The following DCHS1 variants were observed in gnomAD, a reference collection of about 807,000 sequenced individuals.
DCHS1 encodes protocadherin-16.
A neutral mutation model predicts 213.9 loss-of-function variants in DCHS1; 78 were observed. The observed-to-expected ratio is 0.36, with a 90% CI of 0.30 to 0.44. DCHS1 has a LOEUF of 0.44. DCHS1 is among the 20% of genes least tolerant of loss of function. The probability of loss-of-function intolerance (pLI) is 1.00; values close to 1 mark genes in which losing one functional copy is unlikely to be tolerated. For synonymous variants in DCHS1, 1,828 were observed against 1,873.7 expected (o/e 0.98, Z 0.63); for missense variants, 3,946 against 4,395.9 (o/e 0.90, Z 2.89).
chr11:6,632,200 G>A lies in DCHS1; in HGVS notation c.3312C>T (p.Arg1104=), dbSNP rs753787031. 2.5e-6 allele frequency: 4 copies of A among 1,609,280 alleles called. No homozygotes were observed. The East Asian group carries it at 8.9e-5, about 36-fold the overall frequency. ...SILNQNEHSP[R]LSEDPTFLAV... Reference sequence around the variant, plus strand: ...CCAGGAAGGTGGGATCCTCAGACAAGCGGGGACTGTGTTCATTCTGGTTGA... The same window carrying A: ...CCAGGAAGGTGGGATCCTCAGACAAACGGGGACTGTGTTCATTCTGGTTGA... Residue 1104 remains arginine, a synonymous_variant, in exon 6 of 21, where the codon CGC becomes CGT. Transcript: ENST00000299441. The surrounding 1 kb of genome is among the most constrained non-coding windows in gnomAD (Gnocchi z 5.9).
chr11:6,636,517 A>AT (rs1311401594), intron 2 of DCHS1, among the ~76,000 whole-genome samples: 1 of 150,472 alleles, frequency 6.6e-6, no homozygotes, highest in African/African-American at 2.5e-5. Context: ...GCCTTTATTT[A>AT]TTTTTTAAGA....
intron 20 of DCHS1, 92 bp from the exon 21 acceptor site, chr11:6,624,482 G>C: frequency 2.1e-6 from 3 of 1,409,518 alleles, no homozygotes; most frequent in Non-Finnish European, 2.8e-6. Flanking sequence ...AATGGTTTTG[G>C]AAGTCAGACT....
Position 6,623,143 on chromosome 11 carries a change from C to T in DCHS1, c.8533G>A (p.Asp2845Asn), listed in dbSNP as rs968056439. Residue 2845 changes from aspartate (D) to asparagine (N), a missense_variant, in exon 21 of 21, where the codon GAT becomes AAT. Physicochemically the swap from Asp to Asn is conservative, Grantham distance 23. Transcript: ENST00000299441. Reference sequence around the variant, plus strand: ...GCAAGGGAATACAGAACCAGGCCATCGGCACCCCCATCCTCATCTGTGGCC... The same window carrying T: ...GCAAGGGAATACAGAACCAGGCCATTGGCACCCCCATCCTCATCTGTGGCC... ...VQATDEDGGA[D>N]GLVLYSLATS... 2 of 1,608,578 alleles carry T rather than the reference C, an allele frequency of 1.2e-6. No individual in the cohort carries two copies. The highest frequency in any genetic ancestry group is 1.7e-6 in the Non-Finnish European group (2 of 1,177,554).
Position 6,623,776 on chromosome 11 carries a change from G to A in DCHS1, c.7900C>T (p.His2634Tyr), listed in dbSNP as rs752182015. 4.3e-6 allele frequency: 7 copies of A among 1,613,870 alleles called. No homozygotes were observed. The highest frequency in any genetic ancestry group is 1.7e-6 in the Non-Finnish European group (2 of 1,179,912). ...VEASDADPGP[H>Y]GLVRFTVSSG... Reference sequence around the variant, plus strand: ...CTGACAGTGAAACGCACGAGGCCATGAGGGCCAGGGTCAGCGTCAGAGGCC... The same window carrying A: ...CTGACAGTGAAACGCACGAGGCCATAAGGGCCAGGGTCAGCGTCAGAGGCC... The change falls in exon 21 of 21, where the codon CAT becomes TAT. Residue 2634 changes from histidine (H) to tyrosine (Y), a missense_variant. Around this residue, in one of 3 missense-constraint regions of DCHS1, gnomAD observed 3,384 missense variants for 3,780.1 expected, o/e 0.90. Coordinates refer to ENST00000299441, the MANE Select transcript of DCHS1 (RefSeq NM_003737.4).
rs755681858 is a variant in DCHS1, at chr11:6,627,173, G to T, written c.5866C>A (p.His1956Asn). The T allele has an allele frequency of 1.9e-6, 3 of 1,612,440 alleles. No homozygotes were observed. The highest frequency in any genetic ancestry group is 1.1e-5 in the South Asian group (1 of 91,078). The change falls in exon 14 of 21, where the codon CAT becomes AAT. Residue 1956 changes from histidine (H) to asparagine (N), a missense_variant. By Grantham distance (68) the His-to-Asn change is moderately conservative. This residue lies in a region of DCHS1 where 3,384 missense variants were observed against 3,780.1 expected (regional missense o/e 0.90). Transcript: ENST00000299441. This position sits in a 1 kb window ranked among gnomAD's most constrained non-coding sequence, Gnocchi z 5.4. ...VTITVRDVND[H>N]APTFPTSPLR... ...GGACTGGTGGGGAAGGTGGGTGCATGGTCATTGACATCGCGCACCGTGATG... is the reference window on the plus strand; with the variant it reads ...GGACTGGTGGGGAAGGTGGGTGCATTGTCATTGACATCGCGCACCGTGATG...
Position 6,629,894 on chromosome 11 carries a change from G to C in DCHS1, c.4813C>G (p.Arg1605Gly). Reference protein sequence around the residue: ...HSSTGALSVVRPLDREQRAEH... With the variant: ...HSSTGALSVVGPLDREQRAEH... The stretch of plus-strand genomic sequence containing the variant: ...GCTCGTTGTTCGCGGTCCAACGGCC[G>C]CACCACGGACAGCGCTCCTAGGTGA... Residue 1605 changes from arginine to glycine, a missense_variant, in exon 11 of 21, where the codon CGG becomes GGG. Transcript: ENST00000299441. The C allele has an allele frequency of 6.2e-7, 1 of 1,612,510 alleles. No homozygotes were observed. The highest frequency in any genetic ancestry group is 1.1e-5 in the South Asian group (1 of 91,036).
At chr11:6,651,702 CAG>C (rs1299667722) in intron 1 of DCHS1, among the ~76,000 whole-genome samples, 2 of 152,084 alleles carry the variant, frequency 1.3e-5, no homozygotes, top group East Asian at 1.9e-4. Flanking sequence ...GATGGGATAT[CAG>C]AGATTGCTGG....
At position 6,631,226 on chromosome 11, in the gene DCHS1, G is replaced by A. The variant is rs373613860; in HGVS notation, c.3773-16C>T. The A allele has an allele frequency of 6.8e-6, 11 of 1,612,284 alleles. No homozygotes were observed. Among genetic ancestry groups the A allele is most frequent in the Non-Finnish European group, 9.3e-6 (11 of 1,178,552 alleles). On this transcript the variant is annotated splice_polypyrimidine_tract_variant and intron_variant, in intron 8 of 20. Coordinates refer to ENST00000299441, the MANE Select transcript of DCHS1 (RefSeq NM_003737.4). ...GAGCCAGGACCTGGGGACAGGCAGA[G>A]GAAGATGAGGGCTTGGGGCCCAGAG...
In DCHS1 at chr11:6,640,882, T is replaced by G. The variant is rs1318345312; in HGVS notation, c.732A>C (p.Thr244=). 3 of 1,613,988 alleles carry G rather than the reference T, an allele frequency of 1.9e-6. No homozygotes were observed. The South Asian group carries it at 3.3e-5, about 18-fold the overall frequency. The change falls in exon 2 of 21, where the codon ACA becomes ACC. Residue 244 remains threonine (T), a synonymous_variant. Transcript: ENST00000299441. The surrounding 1 kb of genome is among the most constrained non-coding windows in gnomAD (Gnocchi z 6.5). ...GGGCATGGTCATTGATGTCCAGCAG[T>G]GTCACGTCCAGCAGGGCCTGGGCCC... ...PRRAQALLDV[T]LLDINDHAPA...
chr11:6,631,931 C>G, intron 6 of DCHS1, 100 bp downstream of exon 6: 1 of 1,447,740 alleles, frequency 6.9e-7, no homozygotes, highest in Non-Finnish European at 9.1e-7. Flanking sequence ...TCCTCATTCT[C>G]AGGGGCGAGA....
At chr11:6,642,089 A>G (rs1856085670) in intron 1 of DCHS1, among the ~76,000 whole-genome samples, 1 of 152,010 alleles carries the variant, frequency 6.6e-6, no homozygotes, top group Non-Finnish European at 1.5e-5. Flanking sequence ...AGCCTCTATA[A>G]CCATGTATTT....
chr11:6,636,286 T>C (rs1855985266), intron 2 of DCHS1, among the ~76,000 whole-genome samples: 1 of 152,176 alleles, frequency 6.6e-6, no homozygotes, highest in Admixed American at 6.5e-5. Context: ...CCTAGCTCAC[T>C]GCAACTTCGA....
rs7122587 is a variant in DCHS1 at position 6,622,745 on chromosome 11, C to G, written c.8931G>C (p.Gln2977His). 3 of 1,589,660 alleles carry G rather than the reference C, an allele frequency of 1.9e-6. No homozygotes were observed. The highest frequency in any genetic ancestry group is 8.6e-7 in the Non-Finnish European group (1 of 1,168,274). Residue 2977 changes from glutamine (Q) to histidine (H), a missense_variant, in exon 21 of 21, where the codon CAG becomes CAC. Transcript: ENST00000299441. This position sits in a 1 kb window ranked among gnomAD's most constrained non-coding sequence, Gnocchi z 5.4. The part of the protein sequence containing the change: ...KAEAAPGPMS[Q>H]AAPLASDSLQ... Reference sequence around the variant, plus strand: ...GTGAGTCACTGGCTAGGGGTGCTGCCTGTGACATTGGGCCAGGGGCTGCCT... The same window carrying G: ...GTGAGTCACTGGCTAGGGGTGCTGCGTGTGACATTGGGCCAGGGGCTGCCT...
rs374282596 is a variant in DCHS1, at chr11:6,641,093, C to T, written c.521G>A (p.Arg174His). 1.7e-5 allele frequency: 28 copies of T among 1,613,982 alleles called. No individual in the cohort carries two copies. The highest frequency in any genetic ancestry group is 8.3e-5 in the Admixed American group (5 of 60,030). Reference sequence around the variant, plus strand: ...TAGCGCATAGCCCTGGGTTCCCAGACGCCCAGCATCTGCATCACGAGCAGG... The same window carrying T: ...TAGCGCATAGCCCTGGGTTCCCAGATGCCCAGCATCTGCATCACGAGCAGG... The part of the protein sequence containing the change: ...LEPARDADAG[R>H]LGTQGYALSG... The change falls in exon 2 of 21, where the codon CGT becomes CAT. Residue 174 changes from arginine to histidine, a missense_variant. This residue lies in a region of DCHS1 where 3,384 missense variants were observed against 3,780.1 expected (regional missense o/e 0.90). Coordinates refer to ENST00000299441, the MANE Select transcript of DCHS1 (RefSeq NM_003737.4). This position sits in a 1 kb window ranked among gnomAD's most constrained non-coding sequence, Gnocchi z 7.1.
In DCHS1 at chr11:6,631,326, A is replaced by G; in HGVS notation, c.3757T>C (p.Leu1253=). 1.2e-6 allele frequency: 2 copies of G among 1,613,976 alleles called. No homozygotes were observed. Among genetic ancestry groups the G allele is most frequent in the South Asian group, 1.1e-5 (1 of 91,090 alleles). Reference sequence around the variant, plus strand: ...ACTCCCATACCAGTTAGCGTGTACAAGATGGTCCCATTCTCCCCCTCATCT... The same window carrying G: ...ACTCCCATACCAGTTAGCGTGTACAGGATGGTCCCATTCTCCCCCTCATCT... ...DPDEGENGTI[L]YTLTGPGSEL... The change falls in exon 8 of 21, where the codon TTG becomes CTG. Residue 1253 remains leucine (L), a synonymous_variant. Transcript: ENST00000299441.
chr11:6,625,072 T>C lies in DCHS1; in HGVS notation c.7146+126A>G. On this transcript the variant is annotated intron_variant, in intron 19 of 20. Transcript: ENST00000299441. The surrounding 1 kb of genome is among the most constrained non-coding windows in gnomAD (Gnocchi z 5.3). ...AAAACCAGGATGTAGTTCACAGGAC[T>C]TGGGACCTTCCCATTCCCAGATCAG... 1 of 1,416,756 alleles carries C rather than the reference T, an allele frequency of 7.1e-7. No individual in the cohort carries two copies. The highest frequency in any genetic ancestry group is 2.4e-5 in the Admixed American group (1 of 42,454). 87.8% of individuals were successfully genotyped at this position (1,416,756 alleles called of 1,614,324 possible). A position where few individuals can be genotyped will look rare whatever the true frequency, so the allele number is the denominator to read the frequency against.
At position 6,629,444 on chromosome 11, in the gene DCHS1, A is replaced by G; in HGVS notation, c.5161+8T>C. On this transcript the variant is annotated splice_region_variant and intron_variant, in intron 12 of 20. Coordinates refer to ENST00000299441, the MANE Select transcript of DCHS1 (RefSeq NM_003737.4). ...CACTCAGGCTCTTGGGGTCCTGTCA[A>G]CATGTACCTGTCAGGTTGATCTCCT... The G allele has an allele frequency of 6.2e-7, 1 of 1,612,742 alleles. No individual in the cohort carries two copies. The highest frequency in any genetic ancestry group is 8.5e-7 in the Non-Finnish European group (1 of 1,179,380).
In DCHS1 at chr11:6,630,347, C is replaced by T; in HGVS notation, c.4447G>A (p.Val1483Met). The T allele has an allele frequency of 1.5e-6, 2 of 1,309,662 alleles. No homozygotes were observed. Among genetic ancestry groups the T allele is most frequent in the Non-Finnish European group, 9.7e-7 (1 of 1,031,232 alleles). The allele number at this position is 1,309,662 out of a possible 1,614,324, so 81.1% of individuals were successfully genotyped here. A position where few individuals can be genotyped will look rare whatever the true frequency, so the allele number is the denominator to read the frequency against. Reference sequence around the variant, plus strand: ...CGCGCGTCCAGGCGAAGCGCCGGCACGGGCGGCTCCTGGCGCAGCAGGCGG... The same window carrying T: ...CGCGCGTCCAGGCGAAGCGCCGGCATGGGCGGCTCCTGGCGCAGCAGGCGG... ...RYRLLRQEPP[V>M]PALRLDARTG... The change falls in exon 10 of 21, where the codon GTG becomes ATG. Residue 1483 changes from valine to methionine, a missense_variant. By Grantham distance (21) the Val-to-Met change is conservative. Around this residue, in one of 3 missense-constraint regions of DCHS1, gnomAD observed 3,384 missense variants for 3,780.1 expected, o/e 0.90. Transcript: ENST00000299441.
rs1589954951 is a variant in DCHS1, at chr11:6,628,359, A to G, written c.5371+262T>C. 6.6e-6 allele frequency among the ~76,000 whole-genome samples: 1 copy of G among 152,328 alleles called. No individual in the cohort carries two copies. The highest frequency in any genetic ancestry group is 1.5e-5 in the Non-Finnish European group (1 of 68,020). On this transcript the variant is annotated intron_variant, in intron 13 of 20. Coordinates refer to ENST00000299441, the MANE Select transcript of DCHS1 (RefSeq NM_003737.4). The surrounding 1 kb of genome is among the most constrained non-coding windows in gnomAD (Gnocchi z 4.3). Reference sequence around the variant, plus strand: ...AAGAGTGTTAAGGGTTTTTGAGACCAAAAATTTGAGAACGACTGCTCTACA... The same window carrying G: ...AAGAGTGTTAAGGGTTTTTGAGACCGAAAATTTGAGAACGACTGCTCTACA...
Sources: gnomAD v4.1 joint callset for allele counts (sites outside exome capture counted in the v4.1 genomes callset) on GRCh38, gnomAD v4.1.1 for gene constraint, gnomAD v4.1.1 regional missense constraint, Gnocchi (gnomAD v3.1) non-coding constraint, MANE v1.5 for transcripts, NCBI Gene and HGNC (gene_info 2026-07-23, HGNC 2026-07-21) for gene names.